Variants in RAPGEF5 observed in about 807,000 individuals in gnomAD.
RAPGEF5 encodes the protein Rap guanine nucleotide exchange factor 5, also known as M-Ras-regulated GEF.
In RAPGEF5, 65 loss-of-function variants were observed where a neutral mutation model predicts 125.2. The ratio of observed to expected loss-of-function variants is 0.52; its 90% confidence interval spans 0.43 to 0.64. The LOEUF is 0.64. RAPGEF5 is among the 30% of genes least tolerant of loss of function. The pLI, the probability that RAPGEF5 is intolerant of heterozygous loss-of-function variation, is 0.00. For synonymous variants in RAPGEF5, 391 were observed against 385.9 expected (o/e 1.01, Z -0.16); for missense variants, 958 against 1,048.1 (o/e 0.91, Z 1.19).
At chr7:22,195,805 A>G (rs1040617853) in intron 9 of RAPGEF5, among the ~76,000 whole-genome samples, 3 of 152,252 alleles carry the variant, frequency 2.0e-5, no homozygotes, top group African/African-American at 7.2e-5. Flanking sequence ...CACAGAACAA[A>G]CAAATAATTC....
intron 6 of RAPGEF5, among the ~76,000 whole-genome samples, chr7:22,281,845 T>G (rs929684433): frequency 2.0e-5 from 3 of 152,218 alleles, no homozygotes; most frequent in African/African-American, 7.2e-5. Context: ...TCACTGGCTA[T>G]TTCTGTCTAC....
At chr7:22,235,826 T>C (rs1171136704) in intron 7 of RAPGEF5, among the ~76,000 whole-genome samples, 1 of 152,242 alleles carries the variant, frequency 6.6e-6, no homozygotes, top group Admixed American at 6.5e-5. Flanking sequence ...GAGAAATGTT[T>C]AGACACTATA....
intron 1 of RAPGEF5, among the ~76,000 whole-genome samples, chr7:22,342,486 G>A (rs909314142): frequency 3.9e-5 from 6 of 152,208 alleles, no homozygotes; most frequent in Non-Finnish European, 8.8e-5. Context: ...AATTTCCGTA[G>A]CTGGCTTGAA....
chr7:22,128,835 T>G (rs1444050087), intron 24 of RAPGEF5, among the ~76,000 whole-genome samples: 1 of 152,256 alleles, frequency 6.6e-6, no homozygotes, highest in African/African-American at 2.4e-5. Context: ...CATGCTGAAC[T>G]GCACCCATTT....
At chr7:22,253,397 AG>A (rs953127649) in intron 7 of RAPGEF5, among the ~76,000 whole-genome samples, 7 of 152,310 alleles carry the variant, frequency 4.6e-5, no homozygotes, top group African/African-American at 1.7e-4. Flanking sequence ...GCAAAAGAAA[AG>A]AAAAGGACAG....
At chr7:22,243,327 G>A (rs919577326) in intron 7 of RAPGEF5, among the ~76,000 whole-genome samples, 2 of 152,158 alleles carry the variant, frequency 1.3e-5, no homozygotes, top group Non-Finnish European at 2.9e-5. Flanking sequence ...TGCGATCTCA[G>A]CTCACTGCAA....
chr7:22,123,014 T>C (rs1782629142), intron 25 of RAPGEF5, among the ~76,000 whole-genome samples: 1 of 152,216 alleles, frequency 6.6e-6, no homozygotes, highest in South Asian at 2.1e-4. Flanking sequence ...TGTTTAGATT[T>C]TGTACAATTC....
At chr7:22,131,204 A>G (rs1782906078) in intron 23 of RAPGEF5, 103 bp from the exon 24 acceptor site, 2 of 1,350,490 alleles carry the variant, frequency 1.5e-6, no homozygotes, top group African/African-American at 1.5e-5. Context: ...TTTCCTAAAC[A>G]TTATGGATCA....
chr7:22,222,904 A>G (rs1785827373), intron 8 of RAPGEF5, among the ~76,000 whole-genome samples: 1 of 152,106 alleles, frequency 6.6e-6, no homozygotes, highest in South Asian at 2.1e-4. Context: ...TCAAAGGTAG[A>G]GCCAGCAGAT....
chr7:22,334,445 A>T (rs1783987985), intron 1 of RAPGEF5, among the ~76,000 whole-genome samples: 3 of 152,248 alleles, frequency 2.0e-5, no homozygotes, highest in Admixed American at 2.0e-4. Context: ...TCCAGAATCA[A>T]TGTTTCCGAG....
intron 6 of RAPGEF5, among the ~76,000 whole-genome samples, chr7:22,290,283 A>T (rs1441046650): frequency 6.6e-6 from 1 of 152,230 alleles, no homozygotes. Context: ...GGAAGGCTAG[A>T]AAAGTTTCCA....
chr7:22,162,691 C>T (rs959058020), intron 12 of RAPGEF5, 150 bp from the exon 13 acceptor site: 5 of 806,092 alleles, frequency 6.2e-6, no homozygotes, highest in African/African-American at 5.3e-5. Flanking sequence ...AAAAGGTGTG[C>T]ACTGAGAAGA....
chr7:22,158,342 G>T (rs1783877997), intron 14 of RAPGEF5, among the ~76,000 whole-genome samples: 1 of 152,198 alleles, frequency 6.6e-6, no homozygotes, highest in African/African-American at 2.4e-5. Context: ...TCTGTGTGGT[G>T]GAACTGGGAA....
At position 22,146,962 on chromosome 7, in the gene RAPGEF5, T is replaced by C; in HGVS notation, c.1942A>G (p.Asn648Asp). Residue 648 changes from asparagine to aspartate, a missense_variant, in exon 19 of 26, where the codon AAC (asparagine) becomes GAC (aspartate). By Grantham distance (23) the Asn-to-Asp change is conservative (BLOSUM62 1). Coordinates refer to ENST00000665637, the MANE Select transcript of RAPGEF5 (RefSeq NM_012294.5). The stretch of plus-strand genomic sequence containing the variant: ...AATTCCAGAGCAAGATCCCAAGTGT[T>C]CATTCCCAAAATCCTCATCGACCTT... ...QQRSMRILGM[N>D]TWDLALELMN... is the part of the protein sequence containing the mutation. 1 of 1,613,796 alleles carries C rather than the reference T, an allele frequency of 6.2e-7. No homozygotes were observed. The highest frequency in any genetic ancestry group is 2.2e-5 in the East Asian group (1 of 44,866).
chr7:22,275,906 C>A (rs1380436176), intron 6 of RAPGEF5, among the ~76,000 whole-genome samples: 1 of 152,144 alleles, frequency 6.6e-6, no homozygotes, highest in Non-Finnish European at 1.5e-5. Context: ...GTACAAACAA[C>A]AGAAGAAACT....
Position 22,285,820 on chromosome 7 carries a change from A to C in RAPGEF5, c.747+5355T>G, listed in dbSNP as rs115546244. ...AAACCCTTATGAAAAGCCCTTATGA[A>C]AAGGAATTTAGAAAACACCACTAAA... On this transcript the variant is annotated intron_variant, in intron 6 of 25. Coordinates refer to ENST00000665637, the MANE Select transcript of RAPGEF5 (RefSeq NM_012294.5). 9.4e-3 allele frequency among the ~76,000 whole-genome samples: 1,434 copies of C among 152,360 alleles called. 37 individuals carry two copies. Among genetic ancestry groups the C allele is most frequent in the African/African-American group, 0.033 (1,357 of 41,578 alleles).
intron 6 of RAPGEF5, among the ~76,000 whole-genome samples, chr7:22,279,292 T>C (rs1583543311): frequency 2.0e-5 from 3 of 152,332 alleles, no homozygotes; most frequent in South Asian, 2.1e-4. Context: ...TACCTGTAGA[T>C]GCTTTTTAAA....
chr7:22,270,871 A>C (rs577319945), intron 6 of RAPGEF5, among the ~76,000 whole-genome samples: 1 of 152,340 alleles, frequency 6.6e-6, no homozygotes, highest in South Asian at 2.1e-4. Context: ...GAAGACTAGA[A>C]AAAGCCTAGA....
intron 9 of RAPGEF5, among the ~76,000 whole-genome samples, chr7:22,212,317 C>T (rs1437021860): frequency 2.0e-5 from 3 of 152,150 alleles, no homozygotes; most frequent in Non-Finnish European, 4.4e-5. Context: ...TCCCTCCTCA[C>T]TTTTCATAGC....
Sources: gnomAD v4.1 joint callset for allele counts (sites outside exome capture counted in the v4.1 genomes callset) on GRCh38, gnomAD v4.1.1 for gene constraint, MANE v1.5 for transcripts, NCBI Gene and HGNC (gene_info 2026-07-23, HGNC 2026-07-21) for gene names.